Variants in SLC4A7 observed in about 807,000 individuals in gnomAD.
SLC4A7 encodes the protein solute carrier family 4 member 7, also known as sodium bicarbonate cotransporter 3.
SLC4A7 carries 51 observed loss-of-function variants against 137.6 expected under a neutral mutation model. The observed-to-expected ratio is 0.37, with a 90% CI of 0.30 to 0.47. The LOEUF (loss-of-function observed/expected upper bound fraction) is 0.47, where lower values mean the gene tolerates loss of function less well. SLC4A7 is among the 20% of genes least tolerant of loss of function. The pLI is 1.00. For missense variants in SLC4A7, 1,247 were observed against 1,525.4 expected (o/e 0.82, Z 3.04); for synonymous variants, 542 against 518.6 (o/e 1.05, Z -0.61).
chr3:27,389,205 C>G (rs2051281570), intron 22 of SLC4A7, among the ~76,000 whole-genome samples: 1 of 152,098 alleles, frequency 6.6e-6, no homozygotes, highest in Non-Finnish European at 1.5e-5. Context: ...AAGTTTTAGA[C>G]AGACATTGTT....
At chr3:27,398,947 C>T (rs1032817834) in intron 16 of SLC4A7, among the ~76,000 whole-genome samples, 9 of 149,602 alleles carry the variant, frequency 6.0e-5, no homozygotes, top group African/African-American at 1.5e-4. Context: ...AAATCAGTAA[C>T]GTAATAATAT....
At chr3:27,407,125 T>C (rs2053446008) in intron 13 of SLC4A7, among the ~76,000 whole-genome samples, 1 of 150,358 alleles carries the variant, frequency 6.7e-6, no homozygotes, top group Non-Finnish European at 1.5e-5. Context: ...TTTTTTTTTT[T>C]TTCTAATTTT....
At position 27,388,683 on chromosome 3, in the gene SLC4A7, G is replaced by GT. The variant is rs538602239; in HGVS notation, c.3360+1247dup. 4.1e-3 allele frequency among the ~76,000 whole-genome samples: 616 copies of GT among 151,996 alleles called. 4 individuals carry two copies. The highest frequency in any genetic ancestry group is 6.0e-3 in the Non-Finnish European group (407 of 67,928). ...TTTGTATAGCCTATAACCTAAGAAT[G>GT]TTTTTTTACAGATAAACATTTGGAA... On this transcript the variant is annotated intron_variant, in intron 22 of 25. Coordinates refer to ENST00000454389, the MANE Select transcript of SLC4A7 (RefSeq NM_001321103.2).
intron 1 of SLC4A7, among the ~76,000 whole-genome samples, chr3:27,479,157 G>C (rs1207165733): frequency 6.6e-6 from 1 of 152,238 alleles, no homozygotes; most frequent in East Asian, 1.9e-4. Context: ...GCTCACGCCT[G>C]TAATCCCAGC....
chr3:27,387,742 T>A (rs914759924), intron 22 of SLC4A7, among the ~76,000 whole-genome samples: 1 of 151,952 alleles, frequency 6.6e-6, no homozygotes, highest in Non-Finnish European at 1.5e-5. Flanking sequence ...AAGAACACCA[T>A]GTGACAACAA....
At chr3:27,383,488 TATTTAAG>T (rs1316750803) in intron 23 of SLC4A7, among the ~76,000 whole-genome samples, 1 of 152,214 alleles carries the variant, frequency 6.6e-6, no homozygotes, top group Non-Finnish European at 1.5e-5. Context: ...TCACTTATAC[TATTTAAG>T]ATTTAACTAC....
At position 27,484,151 on chromosome 3, in the gene SLC4A7, C is replaced by T; in HGVS notation, c.-25G>A. 5 of 1,354,760 alleles carry T rather than the reference C, an allele frequency of 3.7e-6. No homozygotes were observed. The highest frequency in any genetic ancestry group is 3.2e-5 in the East Asian group (1 of 31,418). The allele number at this position is 1,354,760 out of a possible 1,614,324, so 83.9% of individuals were successfully genotyped here. A position where few individuals can be genotyped will look rare whatever the true frequency, so the allele number is the denominator to read the frequency against. On this transcript the variant is annotated 5_prime_UTR_variant, in exon 1 of 26. Coordinates refer to ENST00000454389, the MANE Select transcript of SLC4A7 (RefSeq NM_001321103.2). ...TGGCCGGCCGGCCAGCCCGTGACGG[C>T]CGCTACGGTACTGCCCCGCGCGGTC...
intron 18 of SLC4A7, among the ~76,000 whole-genome samples, chr3:27,396,901 A>AAC (rs2150118916): frequency 6.6e-6 from 1 of 152,310 alleles, no homozygotes; most frequent in East Asian, 1.9e-4. Flanking sequence ...TTTCTTATAG[A>AAC]ACACACTTCG....
chr3:27,383,111 G>T, intron 24 of SLC4A7, 42 bp downstream of exon 24: 3 of 1,070,594 alleles, frequency 2.8e-6, no homozygotes, highest in South Asian at 1.3e-5. Flanking sequence ...TAATACATTT[G>T]ACATGCATAT....
Position 27,470,343 on chromosome 3 carries a change from T to G in SLC4A7, c.60+13724A>C, listed in dbSNP as rs547353818. ...CTCATTACACCTCAATTTATTAATA[T>G]ACATGGAACAAGTAAGCTACTATTA... On this transcript the variant is annotated intron_variant, in intron 1 of 25. Transcript: ENST00000454389. Among the ~76,000 whole-genome samples the G allele has an allele frequency of 2.6e-5, 4 of 152,174 alleles. No homozygotes were observed. The East Asian group carries it at 7.7e-4, about 29-fold the overall frequency.
chr3:27,392,158 C>T (rs970562465), intron 20 of SLC4A7, among the ~76,000 whole-genome samples: 2 of 152,184 alleles, frequency 1.3e-5, no homozygotes, highest in African/African-American at 4.8e-5. Context: ...AGCTCTGATA[C>T]ATATTAAGCA....
intron 8 of SLC4A7, 36 bp from the exon 9 acceptor site, chr3:27,421,815 G>A (rs373094632): frequency 3.5e-5 from 54 of 1,538,406 alleles, no homozygotes; most frequent in African/African-American, 9.6e-5. Context: ...TAAAGTTTCC[G>A]TGGTATTTGT....
intron 4 of SLC4A7, among the ~76,000 whole-genome samples, chr3:27,437,121 C>T (rs910472791): frequency 3.9e-5 from 6 of 152,098 alleles, no homozygotes; most frequent in Non-Finnish European, 7.4e-5. Flanking sequence ...GAGGCCTAGA[C>T]GGGAGGATAA....
intron 5 of SLC4A7, among the ~76,000 whole-genome samples, chr3:27,434,553 T>A (rs973782694): frequency 8.5e-5 from 13 of 152,060 alleles, no homozygotes; most frequent in African/African-American, 3.1e-4. Context: ...AATACAGCAA[T>A]TTAAAAATAA....
At chr3:27,475,100 G>A (rs533589286) in intron 1 of SLC4A7, among the ~76,000 whole-genome samples, 1 of 152,016 alleles carries the variant, frequency 6.6e-6, no homozygotes, top group South Asian at 2.1e-4. Context: ...GCGAGATTGC[G>A]TCTCAAAAAG....
chr3:27,390,002 T>C lies in SLC4A7; in HGVS notation c.3289A>G (p.Ile1097Val). Residue 1097 changes from isoleucine (I) to valine (V), a missense_variant, in exon 22 of 26, where the codon ATT (isoleucine) becomes GTT (valine). Physicochemically the swap from Ile to Val is conservative, Grantham distance 29. Transcript: ENST00000454389. ...PLWKVHIFTV[I>V]QLTCLVLLWV... The stretch of plus-strand genomic sequence containing the variant: ...AAAAGGACCAAACAAGTAAGCTGAA[T>C]GACTGTGAAAATATGGACCTTCCAG... 2 of 1,613,964 alleles carry C rather than the reference T, an allele frequency of 1.2e-6. No homozygotes were observed. Among genetic ancestry groups the C allele is most frequent in the Non-Finnish European group, 8.5e-7 (1 of 1,179,878 alleles).
intron 5 of SLC4A7, among the ~76,000 whole-genome samples, chr3:27,435,701 G>A (rs879003847): frequency 2.0e-5 from 3 of 152,128 alleles, no homozygotes; most frequent in African/African-American, 7.2e-5. Context: ...TTAGCCAGGC[G>A]TGGTGGTGTA....
chr3:27,481,415 T>C (rs544880680), intron 1 of SLC4A7, among the ~76,000 whole-genome samples: 2 of 152,358 alleles, frequency 1.3e-5, no homozygotes, highest in African/African-American at 2.4e-5. Flanking sequence ...TTTTTTTGCA[T>C]AATTACAAAT....
chr3:27,402,854 CCAAT>C (rs34329926), intron 15 of SLC4A7, among the ~76,000 whole-genome samples: 27,231 of 151,788 alleles, frequency 0.18, 2,815 homozygotes, highest in Non-Finnish European at 0.25. Flanking sequence ...GGATCAGTTG[CCAAT>C]CAAATTTAAA....
Sources: gnomAD v4.1 joint callset for allele counts (sites outside exome capture counted in the v4.1 genomes callset) on GRCh38, gnomAD v4.1.1 for gene constraint, MANE v1.5 for transcripts, NCBI Gene and HGNC (gene_info 2026-07-23, HGNC 2026-07-21) for gene names.